The following TRPS1 variants were observed in gnomAD, a reference collection of about 807,000 sequenced individuals.
The protein encoded by TRPS1 is transcriptional repressor GATA binding 1, also known as zinc finger transcription factor Trps1.
A neutral mutation model predicts 101.2 loss-of-function variants in TRPS1; 6 were observed. The observed-to-expected ratio is 0.06, with a 90% CI of 0.03 to 0.12. The LOEUF (loss-of-function observed/expected upper bound fraction) is 0.12, where lower values mean the gene tolerates loss of function less well. Among genes scored for constraint, TRPS1 ranks in the 10% least tolerant of loss-of-function variants. TRPS1 has a pLI of 1.00. For synonymous variants in TRPS1, 578 were observed against 589.8 expected, an observed-to-expected ratio of 0.98 and a Z score of 0.29; for missense variants, 1,363 against 1,567.0, an observed-to-expected ratio of 0.87 and a Z score of 2.20.
chr8:115,542,417 T>C (rs1282478111), intron 5 of TRPS1, among the ~76,000 whole-genome samples: 2 of 152,144 alleles, frequency 1.3e-5, no homozygotes, highest in Admixed American at 6.6e-5. Context: ...ACACATTAGA[T>C]CTTTAAAGCT....
At chr8:115,475,266 T>TTATATATACATATATA (rs1814571995) in intron 5 of TRPS1, among the ~76,000 whole-genome samples, 1 of 124,004 alleles carries the variant, frequency 8.1e-6, no homozygotes, top group African/African-American at 3.5e-5. Flanking sequence ...TGAATCACAG[T>TTATATATACATATATA]TATATATATA....
chr8:115,490,495 GAATA>G (rs1814994212), intron 5 of TRPS1, among the ~76,000 whole-genome samples: 1 of 152,038 alleles, frequency 6.6e-6, no homozygotes, highest in South Asian at 2.1e-4. Context: ...TAGGGCTAAT[GAATA>G]ATGTTCTAAT....
At chr8:115,613,361 T>C (rs1267926370) in intron 3 of TRPS1, among the ~76,000 whole-genome samples, 2 of 152,232 alleles carry the variant, frequency 1.3e-5, no homozygotes, top group Admixed American at 1.3e-4. Flanking sequence ...ACGGAGCAGA[T>C]AGCAGATAAT....
At chr8:115,484,514 C>T (rs535762348) in intron 5 of TRPS1, among the ~76,000 whole-genome samples, 49 of 152,238 alleles carry the variant, frequency 3.2e-4, no homozygotes, top group Non-Finnish European at 2.9e-4. Context: ...AGTCAGTTGT[C>T]CTTTGTCCTG....
chr8:115,543,144 A>T (rs1378773493), intron 5 of TRPS1, among the ~76,000 whole-genome samples: 7 of 152,160 alleles, frequency 4.6e-5, no homozygotes, highest in Non-Finnish European at 1.0e-4. Flanking sequence ...CACCACTTGA[A>T]ACACAAAGGG....
intron 5 of TRPS1, among the ~76,000 whole-genome samples, chr8:115,435,094 A>T (rs989699653): frequency 2.6e-5 from 4 of 152,212 alleles, no homozygotes; most frequent in Non-Finnish European, 4.4e-5. Context: ...AACAAAGATG[A>T]CAAGGCCTCC....
chr8:115,491,386 C>T (rs568694802), intron 5 of TRPS1, among the ~76,000 whole-genome samples: 89 of 152,224 alleles, frequency 5.8e-4, no homozygotes, highest in African/African-American at 1.9e-3. Context: ...TAGATCATTA[C>T]CCATTCCATC....
intron 5 of TRPS1, among the ~76,000 whole-genome samples, chr8:115,569,681 G>A (rs1335639654): frequency 1.3e-5 from 2 of 152,148 alleles, no homozygotes; most frequent in Admixed American, 6.6e-5. Flanking sequence ...GCCATAAAAT[G>A]ATATAGATAA....
chr8:115,532,436 T>C (rs968557784), intron 5 of TRPS1, among the ~76,000 whole-genome samples: 3 of 152,174 alleles, frequency 2.0e-5, no homozygotes, highest in Non-Finnish European at 2.9e-5. Flanking sequence ...GCTTGGTGTC[T>C]GGAATATGTG....
At chr8:115,636,996 T>C (rs1418199241) in intron 1 of TRPS1, among the ~76,000 whole-genome samples, 1 of 152,084 alleles carries the variant, frequency 6.6e-6, no homozygotes, top group Non-Finnish European at 1.5e-5. Flanking sequence ...TATCTTTTAT[T>C]AATATTTCTA....
intron 1 of TRPS1, among the ~76,000 whole-genome samples, chr8:115,637,052 G>C (rs1272416900): frequency 1.3e-5 from 2 of 152,134 alleles, no homozygotes; most frequent in African/African-American, 4.8e-5. Context: ...GTCAATGGCA[G>C]AGGAAACAGT....
chr8:115,449,303 T>G (rs1287689685), intron 5 of TRPS1, among the ~76,000 whole-genome samples: 1 of 152,214 alleles, frequency 6.6e-6, no homozygotes, highest in Non-Finnish European at 1.5e-5. Flanking sequence ...AAAAAAAGAT[T>G]TTTGCTAGAT....
intron 5 of TRPS1, among the ~76,000 whole-genome samples, chr8:115,481,589 A>G (rs1814752912): frequency 6.6e-6 from 1 of 152,206 alleles, no homozygotes; most frequent in African/African-American, 2.4e-5. Flanking sequence ...TGAGAATTCT[A>G]TTCATTCTGA....
In TRPS1 at chr8:115,505,137, T is replaced by C. The variant is rs117365119; in HGVS notation, c.2700+81864A>G. ...TAGAATTCTCTGAATGTTGTCATTA[T>C]CAATTAGGATTTATTATTTCAATGA... On this transcript the variant is annotated intron_variant, in intron 5 of 6. Coordinates refer to ENST00000395715, the MANE Select transcript of TRPS1 (RefSeq NM_014112.5). 1.4e-4 allele frequency among the ~76,000 whole-genome samples: 21 copies of C among 152,250 alleles called. No homozygotes were observed. In the East Asian group the frequency reaches 4.0e-3, roughly 29 times the overall value.
chr8:115,647,156 G>C (rs572413940), intron 1 of TRPS1, among the ~76,000 whole-genome samples: 9 of 152,220 alleles, frequency 5.9e-5, no homozygotes, highest in Admixed American at 3.3e-4. Context: ...AAATGAAGCA[G>C]TTGGATACAA....
At chr8:115,556,338 C>CT (rs1204091635) in intron 5 of TRPS1, among the ~76,000 whole-genome samples, 3 of 151,938 alleles carry the variant, frequency 2.0e-5, no homozygotes, top group Admixed American at 2.0e-4. Context: ...AAATTCTGAA[C>CT]TTTTTTTTAC....
rs1812804790 is a variant in TRPS1, at chr8:115,412,147, A to G, written c.*1876T>C. 1.3e-5 allele frequency: 2 copies of G among 152,556 alleles called. No individual in the cohort carries two copies. The highest frequency in any genetic ancestry group is 2.9e-5 in the Non-Finnish European group (2 of 67,966). The allele number at this position is 152,556 out of a possible 1,614,324, so 9.5% of individuals were successfully genotyped here. Reference sequence around the variant, plus strand: ...AAGAGGATATATGTTTATCATCTTAAGCATAACAATGTGAGTTAAGAGCTT... The same window carrying G: ...AAGAGGATATATGTTTATCATCTTAGGCATAACAATGTGAGTTAAGAGCTT... On this transcript the variant is annotated 3_prime_UTR_variant, in exon 7 of 7. Coordinates refer to ENST00000395715, the MANE Select transcript of TRPS1 (RefSeq NM_014112.5).
intron 1 of TRPS1, among the ~76,000 whole-genome samples, chr8:115,654,715 C>A (rs554231827): frequency 1.3e-5 from 2 of 152,198 alleles, no homozygotes; most frequent in South Asian, 4.1e-4. Context: ...TAGATTTTAT[C>A]TAAATGAATC....
intron 1 of TRPS1, among the ~76,000 whole-genome samples, chr8:115,658,171 AC>A (rs1283420215): frequency 6.6e-6 from 1 of 152,108 alleles, no homozygotes; most frequent in East Asian, 1.9e-4. Flanking sequence ...CTCTTCTGTA[AC>A]CCAGTCAGAG....
Sources: gnomAD v4.1 joint callset for allele counts (sites outside exome capture counted in the v4.1 genomes callset) on GRCh38, gnomAD v4.1.1 for gene constraint, MANE v1.5 for transcripts, NCBI Gene and HGNC (gene_info 2026-07-23, HGNC 2026-07-21) for gene names.